OSBPL2: variants seen among roughly 807,000 people sequenced by gnomAD.
OSBPL2 encodes oxysterol-binding protein-related protein 2.
In OSBPL2, 18 loss-of-function variants were observed where a neutral mutation model predicts 58.4. That is an observed-to-expected ratio of 0.31 (90% CI 0.21 to 0.46). OSBPL2 has a LOEUF of 0.46. OSBPL2 is among the 20% of genes least tolerant of loss of function. The probability of loss-of-function intolerance (pLI) is 1.00; values close to 1 mark genes in which losing one functional copy is unlikely to be tolerated. For synonymous variants in OSBPL2, 221 were observed against 234.1 expected (o/e 0.94, Z 0.51); for missense variants, 461 against 616.5 (o/e 0.75, Z 2.67).
Position 62,292,950 on chromosome 20 carries a change from C to CTCCGCCCCTCCG in OSBPL2, c.1341-834_1341-823dup, listed in dbSNP as rs575415771. Among the ~76,000 whole-genome samples, 45 of 151,146 alleles carry CTCCGCCCCTCCG rather than the reference C, an allele frequency of 3.0e-4. 2 individuals are homozygous for CTCCGCCCCTCCG. The East Asian group carries it at 8.6e-3, about 29-fold the overall frequency. On this transcript the variant is annotated intron_variant, in intron 13 of 13. Transcript: ENST00000313733. ...TGGCGTGATCTCGGCTCACTGCAAG[C>CTCCGCCCCTCCG]TCCGCCCCTCCGGGTTCACACCATT...
chr20:62,282,440 C>T (rs887500151), intron 9 of OSBPL2, among the ~76,000 whole-genome samples: 1 of 152,170 alleles, frequency 6.6e-6, no homozygotes, highest in Non-Finnish European at 1.5e-5. Flanking sequence ...CTGGGTCTCA[C>T]ATTTGTTTTT....
chr20:62,253,672 A>G (rs1470156052), intron 1 of OSBPL2, among the ~76,000 whole-genome samples: 2 of 144,040 alleles, frequency 1.4e-5, no homozygotes, highest in East Asian at 2.3e-4. Context: ...TGGAAGGGCA[A>G]GAGAGGAGGG....
At chr20:62,264,081 AG>A (rs1210044191) in intron 4 of OSBPL2, among the ~76,000 whole-genome samples, 22 of 140,726 alleles carry the variant, frequency 1.6e-4, no homozygotes, top group Admixed American at 3.6e-4. Context: ...AAAAAAAAAA[AG>A]AAAAAAAATG....
At chr20:62,252,103 C>T (rs1017888292) in intron 1 of OSBPL2, among the ~76,000 whole-genome samples, 1 of 150,598 alleles carries the variant, frequency 6.6e-6, no homozygotes, top group Non-Finnish European at 1.5e-5. Flanking sequence ...AGGCTGATAT[C>T]CAACCCCTGG....
chr20:62,281,712 C>T (rs1422645802), intron 8 of OSBPL2, 78 bp from the exon 9 acceptor site: 26 of 1,086,146 alleles, frequency 2.4e-5, no homozygotes, highest in Admixed American at 1.2e-4. Flanking sequence ...GCCTCCACCG[C>T]GCTTCTCCTG....
chr20:62,286,564 G>A lies in OSBPL2; in HGVS notation c.997-19G>A, dbSNP rs1384806255. The A allele has an allele frequency of 3.1e-6, 5 of 1,607,406 alleles. No individual in the cohort carries two copies. In the African/African-American group the frequency reaches 4.0e-5, roughly 13 times the overall value. On this transcript the variant is annotated intron_variant, in intron 10 of 13. Transcript: ENST00000313733. Reference sequence around the variant, plus strand: ...CGGCCTGGCCCCGGGCAGCCACACAGCAGGGTTCTGTGTTTCAGGATGAAG... The same window carrying A: ...CGGCCTGGCCCCGGGCAGCCACACAACAGGGTTCTGTGTTTCAGGATGAAG...
intron 5 of OSBPL2, among the ~76,000 whole-genome samples, chr20:62,272,776 A>G (rs530921621): frequency 2.6e-5 from 4 of 152,230 alleles, no homozygotes; most frequent in Non-Finnish European, 5.9e-5. Context: ...CATGCCTGCA[A>G]TGCCAGCTAC....
chr20:62,263,079 G>A (rs1981423503), intron 3 of OSBPL2, among the ~76,000 whole-genome samples: 2 of 152,208 alleles, frequency 1.3e-5, no homozygotes. Context: ...GTGGTGAGCA[G>A]TGGTGGGGGT....
chr20:62,285,261 C>G (rs1047603214), intron 10 of OSBPL2: 1 of 152,172 alleles, frequency 6.6e-6, no homozygotes, highest in East Asian at 1.9e-4. Flanking sequence ...AGGGTAAATC[C>G]ATTTAGCGAT....
chr20:62,247,189 G>T (rs1017130851), intron 1 of OSBPL2, among the ~76,000 whole-genome samples: 4 of 152,238 alleles, frequency 2.6e-5, no homozygotes, highest in African/African-American at 9.6e-5. Context: ...ATGCTGCACC[G>T]GGAACTTCGC....
chr20:62,294,038 A>G lies in OSBPL2; in HGVS notation c.*151A>G, dbSNP rs1387341412. ...CATCCCTGATCAAGGATGTAATTCT[A>G]ATTAACTGTTGATTGCCAAACATTT... On this transcript the variant is annotated 3_prime_UTR_variant, in exon 14 of 14. Coordinates refer to ENST00000313733, the MANE Select transcript of OSBPL2 (RefSeq NM_144498.4). 6 of 1,030,580 alleles carry G rather than the reference A, an allele frequency of 5.8e-6. No homozygotes were observed. The highest frequency in any genetic ancestry group is 2.9e-5 in the East Asian group (1 of 34,674). 63.8% of individuals were successfully genotyped at this position (1,030,580 alleles called of 1,614,324 possible). A position where few individuals can be genotyped will look rare whatever the true frequency, so the allele number is the denominator to read the frequency against.
At chr20:62,244,800 C>T (rs1257569476) in intron 1 of OSBPL2, among the ~76,000 whole-genome samples, 2 of 152,260 alleles carry the variant, frequency 1.3e-5, no homozygotes, top group Non-Finnish European at 2.9e-5. Flanking sequence ...GAAGGTTTGC[C>T]ACTCCCCACA....
chr20:62,245,282 T>C (rs1980024838), intron 1 of OSBPL2, among the ~76,000 whole-genome samples: 1 of 152,102 alleles, frequency 6.6e-6, no homozygotes, highest in Non-Finnish European at 1.5e-5. Flanking sequence ...TTAGTAGAGA[T>C]GGGGTTTTGC....
chr20:62,291,418 C>A, intron 12 of OSBPL2: 1 of 431,966 alleles, frequency 2.3e-6, no homozygotes, highest in Non-Finnish European at 4.4e-6. Context: ...CCTGCCTGTC[C>A]TTCAGACTCC....
chr20:62,246,101 C>A (rs1315510388), intron 1 of OSBPL2, among the ~76,000 whole-genome samples: 1 of 152,250 alleles, frequency 6.6e-6, no homozygotes, highest in South Asian at 2.1e-4. Context: ...CCTGGACCTG[C>A]GCCTGGGGCT....
chr20:62,280,454 C>T (rs1241322790), intron 7 of OSBPL2, among the ~76,000 whole-genome samples: 1 of 152,230 alleles, frequency 6.6e-6, no homozygotes, highest in African/African-American at 2.4e-5. Flanking sequence ...TTGGGTTCCA[C>T]CCCCAGGAAA....
At chr20:62,287,207 CTA>C (rs1415940679) in intron 11 of OSBPL2, among the ~76,000 whole-genome samples, 1 of 136,170 alleles carries the variant, frequency 7.3e-6, no homozygotes, top group Non-Finnish European at 1.6e-5. Context: ...ATATGATAAA[CTA>C]CATGTTTTAT....
intron 4 of OSBPL2, chr20:62,271,855 C>T (rs897836858): frequency 2.5e-6 from 1 of 406,884 alleles, no homozygotes; most frequent in South Asian, 3.4e-5. Context: ...TGGAATGGGG[C>T]GGTGGGCTGG....
intron 1 of OSBPL2, among the ~76,000 whole-genome samples, chr20:62,240,433 G>T (rs1022640808): frequency 9.2e-5 from 14 of 152,130 alleles, no homozygotes; most frequent in African/African-American, 3.4e-4. Context: ...GGACTGTTAC[G>T]AGCATGTCGT....
Sources: allele counts gnomAD v4.1 joint callset (sites outside exome capture counted in the v4.1 genomes callset), GRCh38; gene constraint gnomAD v4.1.1; transcripts MANE v1.5; gene names NCBI Gene and HGNC (gene_info 2026-07-23, HGNC 2026-07-21).